The following XRCC4 variants were observed in gnomAD, a reference collection of about 807,000 sequenced individuals.
The protein encoded by XRCC4 is X-ray repair cross complementing 4, also known as DNA repair protein XRCC4.
A neutral mutation model predicts 39.1 loss-of-function variants in XRCC4; 28 were observed. That is an observed-to-expected ratio of 0.72 (90% CI 0.53 to 0.98). XRCC4 has a LOEUF of 0.98. Ranked by LOEUF, XRCC4 falls within the 50% of genes least tolerant of loss-of-function variation. The pLI, the probability that XRCC4 is intolerant of heterozygous loss-of-function variation, is 0.00. For missense variants in XRCC4, 350 were observed against 376.4 expected, an observed-to-expected ratio of 0.93 and a Z score of 0.58; for synonymous variants, 123 against 126.4, an observed-to-expected ratio of 0.97 and a Z score of 0.18.
intron 3 of XRCC4, among the ~76,000 whole-genome samples, chr5:83,148,997 A>C (rs17284288): frequency 0.48 from 72,987 of 152,030 alleles, 18,408 homozygotes; most frequent in African/African-American, 0.62. Context: ...TATTTTTGCA[A>C]CATTGTACAG....
intron 7 of XRCC4, among the ~76,000 whole-genome samples, chr5:83,327,526 T>C (rs539527575): frequency 1.1e-3 from 168 of 152,014 alleles, no homozygotes; most frequent in African/African-American, 3.8e-3. Context: ...GGTAACTATA[T>C]GGGGTGACAG....
intron 7 of XRCC4, among the ~76,000 whole-genome samples, chr5:83,296,839 A>G (rs1462382674): frequency 6.6e-6 from 1 of 151,498 alleles, no homozygotes; most frequent in Non-Finnish European, 1.5e-5. Context: ...TACTATGACC[A>G]TTATATACCA....
At chr5:83,106,911 G>A (rs1746226592) in intron 2 of XRCC4, among the ~76,000 whole-genome samples, 1 of 151,926 alleles carries the variant, frequency 6.6e-6, no homozygotes, top group South Asian at 2.1e-4. Flanking sequence ...TTTAGAGTTA[G>A]CATGTTTTTG....
intron 6 of XRCC4, among the ~76,000 whole-genome samples, chr5:83,225,733 A>G (rs1030117887): frequency 2.6e-5 from 4 of 150,970 alleles, no homozygotes; most frequent in East Asian, 1.9e-4. Context: ...TTAATTCCCC[A>G]CTGTAAGTTC....
intron 7 of XRCC4, among the ~76,000 whole-genome samples, chr5:83,299,894 G>A (rs1417040388): frequency 6.6e-6 from 1 of 151,870 alleles, no homozygotes; most frequent in Non-Finnish European, 1.5e-5. Context: ...TGTTGCTTTT[G>A]TTTCTACTAT....
intron 7 of XRCC4, among the ~76,000 whole-genome samples, chr5:83,312,484 A>C (rs1755740890): frequency 6.6e-6 from 1 of 152,186 alleles, no homozygotes; most frequent in African/African-American, 2.4e-5. Context: ...ATATTAGGTC[A>C]AGATGGGAAG....
chr5:83,106,583 AAAAAGAACACT>A (rs1374328487), intron 2 of XRCC4, among the ~76,000 whole-genome samples: 1 of 151,992 alleles, frequency 6.6e-6, no homozygotes, highest in African/African-American at 2.4e-5. Flanking sequence ...TATTGGGGGA[AAAAAGAACACT>A]CCATTAACTC....
chr5:83,245,331 G>A (rs747284327), intron 6 of XRCC4, among the ~76,000 whole-genome samples: 16 of 152,170 alleles, frequency 1.1e-4, no homozygotes, highest in Middle Eastern at 3.4e-3. Context: ...ATCTGTTGCT[G>A]TGTAGACTTG....
chr5:83,171,430 G>A (rs1448265946), intron 3 of XRCC4, among the ~76,000 whole-genome samples: 1 of 152,020 alleles, frequency 6.6e-6, no homozygotes. Context: ...GGCCTTACAT[G>A]TAGAAAACAT....
chr5:83,106,064 G>T (rs964985062), intron 2 of XRCC4, among the ~76,000 whole-genome samples: 15 of 152,178 alleles, frequency 9.9e-5, no homozygotes, highest in African/African-American at 3.4e-4. Context: ...GTAAAATAAA[G>T]AATTTTCAGG....
At chr5:83,165,534 A>C (rs903610004) in intron 3 of XRCC4, among the ~76,000 whole-genome samples, 2 of 152,104 alleles carry the variant, frequency 1.3e-5, no homozygotes, top group Non-Finnish European at 2.9e-5. Flanking sequence ...ACATAGGTAA[A>C]CTTGTGTTAT....
At chr5:83,196,666 A>G (rs1455993439) in intron 4 of XRCC4, among the ~76,000 whole-genome samples, 2 of 151,562 alleles carry the variant, frequency 1.3e-5, no homozygotes, top group Non-Finnish European at 2.9e-5. Flanking sequence ...GTGTGTGTGT[A>G]TGCACACACA....
At chr5:83,310,733 G>A (rs1471762228) in intron 7 of XRCC4, 2 of 454,218 alleles carry the variant, frequency 4.4e-6, no homozygotes, top group East Asian at 1.4e-4. Flanking sequence ...GAGATGCAGG[G>A]GTTATTCTGG....
chr5:83,219,860 T>C (rs922801715), intron 6 of XRCC4, among the ~76,000 whole-genome samples: 1 of 152,222 alleles, frequency 6.6e-6, no homozygotes, highest in African/African-American at 2.4e-5. Flanking sequence ...CTTTTTCCTT[T>C]TTAAATGTGG....
chr5:83,162,952 C>CTTTCT lies in XRCC4; in HGVS notation c.316-32815_316-32814insCTTTT, dbSNP rs1554060107. Among the ~76,000 whole-genome samples the CTTTCT allele has an allele frequency of 8.3e-3, 1,043 of 125,192 alleles. 15 individuals carry two copies. The highest frequency in any genetic ancestry group is 0.03 in the African/African-American group (994 of 32,898). The allele number at this position is 125,192 out of a possible 152,430, so 82.1% of individuals were successfully genotyped here. ...TTTTTTTCTTTTTCTTTCTTTCTTT[C>CTTTCT]TTTTTTTTTTTTGAGACAGAAGAGT... On this transcript the variant is annotated intron_variant, in intron 3 of 7. Coordinates refer to ENST00000396027, the MANE Select transcript of XRCC4 (RefSeq NM_003401.5).
chr5:83,106,185 C>G (rs939851389), intron 2 of XRCC4, among the ~76,000 whole-genome samples: 1 of 152,052 alleles, frequency 6.6e-6, no homozygotes, highest in Non-Finnish European at 1.5e-5. Flanking sequence ...GATTTGTCAG[C>G]TTGGTTTTAT....
chr5:83,145,651 G>GT (rs1748417990), intron 3 of XRCC4, among the ~76,000 whole-genome samples: 1 of 152,148 alleles, frequency 6.6e-6, no homozygotes, highest in Admixed American at 6.5e-5. Context: ...TTCTAAAATT[G>GT]TCTTCCTCAC....
At chr5:83,165,612 G>A (rs955545342) in intron 3 of XRCC4, among the ~76,000 whole-genome samples, 2 of 151,860 alleles carry the variant, frequency 1.3e-5, no homozygotes, top group Non-Finnish European at 2.9e-5. Flanking sequence ...TATTTTTCCT[G>A]ATCCTCTCCC....
chr5:83,095,146 G>T (rs1369651663), intron 1 of XRCC4, among the ~76,000 whole-genome samples: 1 of 152,096 alleles, frequency 6.6e-6, no homozygotes, highest in Non-Finnish European at 1.5e-5. Context: ...AGCAGACACA[G>T]CTTGCTTTTA....
Sources: gnomAD v4.1 joint callset for allele counts (sites outside exome capture counted in the v4.1 genomes callset) on GRCh38, gnomAD v4.1.1 for gene constraint, MANE v1.5 for transcripts, NCBI Gene and HGNC (gene_info 2026-07-23, HGNC 2026-07-21) for gene names.